BMERB1: variants seen among roughly 807,000 people sequenced by gnomAD.
The protein encoded by BMERB1 is bMERB domain-containing protein 1.
BMERB1 carries 12 observed loss-of-function variants against 23.6 expected under a neutral mutation model. The ratio of observed to expected loss-of-function variants is 0.51; its 90% confidence interval spans 0.33 to 0.82. The LOEUF is 0.82. Among genes scored for constraint, BMERB1 ranks in the 40% least tolerant of loss-of-function variants. BMERB1 has a pLI of 0.03. For missense variants in BMERB1, 247 were observed against 255.4 expected (o/e 0.97, Z 0.22); for synonymous variants, 122 against 96.6 (o/e 1.26, Z -1.54).
chr16:15,452,358 G>A (rs946721835), intron 1 of BMERB1, among the ~76,000 whole-genome samples: 3 of 151,116 alleles, frequency 2.0e-5, no homozygotes, highest in African/African-American at 7.3e-5. Flanking sequence ...GAGAGAGAAA[G>A]AAAGAAAAAG....
At chr16:15,569,790 G>A (rs1383394617) in intron 3 of BMERB1, among the ~76,000 whole-genome samples, 1 of 152,176 alleles carries the variant, frequency 6.6e-6, no homozygotes, top group Admixed American at 6.5e-5. Flanking sequence ...GTTATCTGCA[G>A]GAGTAATTGG....
chr16:15,480,394 G>A (rs918620556), intron 1 of BMERB1, among the ~76,000 whole-genome samples: 8 of 151,272 alleles, frequency 5.3e-5, no homozygotes, highest in Admixed American at 2.0e-4. Flanking sequence ...GATTACAGGC[G>A]TGAGCCACTG....
At chr16:15,576,037 ATTTTT>A (rs58602187) in intron 3 of BMERB1, among the ~76,000 whole-genome samples, 2 of 131,970 alleles carry the variant, frequency 1.5e-5, no homozygotes, top group African/African-American at 3.0e-5. Flanking sequence ...AGCATTAGTA[ATTTTT>A]TTTTTTTTTT....
At chr16:15,576,509 T>A (rs1239880834) in intron 3 of BMERB1, among the ~76,000 whole-genome samples, 1 of 152,070 alleles carries the variant, frequency 6.6e-6, no homozygotes, top group African/African-American at 2.4e-5. Context: ...AAACAAACAA[T>A]TACTGGAAGG....
chr16:15,502,163 C>A, intron 1 of BMERB1: 1 of 825,146 alleles, frequency 1.2e-6, no homozygotes, highest in Non-Finnish European at 2.0e-6. Context: ...GCTGTTGGTG[C>A]GTCCTCCTGA....
intron 2 of BMERB1, among the ~76,000 whole-genome samples, chr16:15,558,831 G>T (rs1474762323): frequency 6.6e-6 from 1 of 151,378 alleles, no homozygotes; most frequent in South Asian, 2.1e-4. Context: ...GCTTCATCAG[G>T]TTAGCGTTCG....
chr16:15,579,525 A>G (rs1411541727), intron 3 of BMERB1, among the ~76,000 whole-genome samples: 1 of 152,202 alleles, frequency 6.6e-6, no homozygotes, highest in East Asian at 1.9e-4. Context: ...TCCAGAAAAA[A>G]TGATCAACGT....
At chr16:15,519,694 C>T (rs886554991) in intron 2 of BMERB1, among the ~76,000 whole-genome samples, 5 of 152,138 alleles carry the variant, frequency 3.3e-5, no homozygotes, top group Admixed American at 1.3e-4. Context: ...TGCATTGACT[C>T]TTTTAAGCAT....
intron 2 of BMERB1, among the ~76,000 whole-genome samples, chr16:15,545,552 A>G (rs1427647294): frequency 6.6e-6 from 1 of 152,156 alleles, no homozygotes; most frequent in Non-Finnish European, 1.5e-5. Context: ...GTAGAAGGCT[A>G]TGAGTGGGGA....
intron 3 of BMERB1, among the ~76,000 whole-genome samples, chr16:15,574,670 A>G (rs979259540): frequency 1.3e-5 from 2 of 152,102 alleles, no homozygotes; most frequent in Non-Finnish European, 2.9e-5. Flanking sequence ...GAGATTACAT[A>G]TCAATTTTGG....
At chr16:15,582,554 C>T (rs1479869767) in intron 4 of BMERB1, among the ~76,000 whole-genome samples, 1 of 151,928 alleles carries the variant, frequency 6.6e-6, no homozygotes, top group Non-Finnish European at 1.5e-5. Flanking sequence ...CCTATCTCTA[C>T]AATTTTTTTT....
At chr16:15,478,453 G>A (rs958516298) in intron 1 of BMERB1, among the ~76,000 whole-genome samples, 7 of 152,062 alleles carry the variant, frequency 4.6e-5, no homozygotes, top group Admixed American at 1.3e-4. Context: ...GAGCCACCAC[G>A]CCTGGCCTTT....
At chr16:15,580,765 T>G (rs2030990460) in intron 3 of BMERB1, among the ~76,000 whole-genome samples, 1 of 151,730 alleles carries the variant, frequency 6.6e-6, no homozygotes, top group Non-Finnish European at 1.5e-5. Flanking sequence ...CAGGATGGTC[T>G]CGATCTCCTG....
intron 1 of BMERB1, among the ~76,000 whole-genome samples, chr16:15,488,919 A>AG (rs2051391657): frequency 6.6e-6 from 1 of 151,638 alleles, no homozygotes; most frequent in African/African-American, 2.4e-5. Context: ...AAAAAAAAAA[A>AG]AAAAGGAATG....
chr16:15,470,825 CTTTTTTTTTTTTTTT>C (rs35873574), intron 1 of BMERB1, among the ~76,000 whole-genome samples: 8 of 49,336 alleles, frequency 1.6e-4, no homozygotes, highest in African/African-American at 3.3e-4. Context: ...CACCTGGCCT[CTTTTTTTTTTTTTTT>C]TTTTTTTTTT....
At chr16:15,525,384 A>C (rs1160568212) in intron 2 of BMERB1, among the ~76,000 whole-genome samples, 1 of 152,102 alleles carries the variant, frequency 6.6e-6, no homozygotes, top group Non-Finnish European at 1.5e-5. Flanking sequence ...GGCCTCCAAA[A>C]TCCCATGAGC....
At chr16:15,498,407 C>A (rs2150942118) in intron 1 of BMERB1, among the ~76,000 whole-genome samples, 1 of 152,088 alleles carries the variant, frequency 6.6e-6, no homozygotes, top group Non-Finnish European at 1.5e-5. Flanking sequence ...ACCTGTAGTC[C>A]CACCTATTCA....
intron 2 of BMERB1, among the ~76,000 whole-genome samples, chr16:15,566,157 A>G (rs1567501362): frequency 6.6e-6 from 1 of 152,238 alleles, no homozygotes; most frequent in East Asian, 1.9e-4. Context: ...GACAGCCATT[A>G]CAAATATTGT....
At chr16:15,474,979 A>T (rs1164139374) in intron 1 of BMERB1, among the ~76,000 whole-genome samples, 1 of 151,882 alleles carries the variant, frequency 6.6e-6, no homozygotes, top group East Asian at 1.9e-4. Context: ...GAGCCACCGC[A>T]CCCAGCCTTT....
Sources: allele counts gnomAD v4.1 joint callset (sites outside exome capture counted in the v4.1 genomes callset), GRCh38; gene constraint gnomAD v4.1.1; transcripts MANE v1.5; gene names NCBI Gene and HGNC (gene_info 2026-07-23, HGNC 2026-07-21).